Variants in AKT3 observed in about 807,000 individuals in gnomAD.
AKT3 encodes RAC-gamma serine/threonine-protein kinase.
AKT3 carries 15 observed loss-of-function variants against 65.3 expected under a neutral mutation model. The ratio of observed to expected loss-of-function variants is 0.23; its 90% CI spans 0.15 to 0.35. AKT3 has a LOEUF of 0.35. AKT3 is among the 10% of genes least tolerant of loss of function. The pLI is 1.00. For synonymous variants in AKT3, 206 were observed against 183.8 expected (o/e 1.12, Z -0.98); for missense variants, 243 against 576.5 (o/e 0.42, Z 5.92).
At chr1:243,574,400 A>G (rs563373546) in intron 8 of AKT3, among the ~76,000 whole-genome samples, 49 of 152,248 alleles carry the variant, frequency 3.2e-4, no homozygotes, top group African/African-American at 7.5e-4. Flanking sequence ...AATATTTTGC[A>G]GTCTCTAAAC....
chr1:243,704,524 C>T (rs1340456130), intron 2 of AKT3, among the ~76,000 whole-genome samples: 1 of 152,106 alleles, frequency 6.6e-6, no homozygotes, highest in Non-Finnish European at 1.5e-5. Flanking sequence ...GCAATAGCCC[C>T]TATTCTTTGG....
chr1:243,810,032 A>C (rs772293581), intron 2 of AKT3, among the ~76,000 whole-genome samples: 4 of 152,208 alleles, frequency 2.6e-5, no homozygotes, highest in Admixed American at 1.3e-4. Flanking sequence ...CATTCAAAGC[A>C]GCGTGTAGAG....
At position 243,642,599 on chromosome 1, in the gene AKT3, A is replaced by C. The variant is rs10927049; in HGVS notation, c.429+3294T>G. ...GCTGGGATTACAGGCGTGAGCCACCACGCCCAGCCACAGTAAGTCTTTAAT... is the reference window on the plus strand; with the variant it reads ...GCTGGGATTACAGGCGTGAGCCACCCCGCCCAGCCACAGTAAGTCTTTAAT... On this transcript the variant is annotated intron_variant, in intron 5 of 13. Coordinates refer to ENST00000673466, the MANE Select transcript of AKT3 (RefSeq NM_005465.7). Among the ~76,000 whole-genome samples, 22 of 152,038 alleles carry C rather than the reference A, an allele frequency of 1.4e-4. No homozygotes were observed. The Middle Eastern group carries it at 0.01, about 71-fold the overall frequency.
rs1695356135 is a variant in AKT3, at chr1:243,843,241, TCTG to T, written c.-74_-72del. The T allele has an allele frequency of 2.4e-5, 38 of 1,562,364 alleles. No homozygotes were observed. The highest frequency in any genetic ancestry group is 6.0e-5 in the South Asian group (5 of 83,266). ...GATATCAGCTTTAGGGTTTGGATTC[TCTG>T]CTGCTGCTGCCCTTCCCACTCTCTA... On this transcript the variant is annotated 5_prime_UTR_variant, in exon 2 of 14. Transcript: ENST00000673466.
chr1:243,574,968 T>A (rs1674834748), intron 8 of AKT3, among the ~76,000 whole-genome samples: 1 of 152,188 alleles, frequency 6.6e-6, no homozygotes, highest in Non-Finnish European at 1.5e-5. Flanking sequence ...TTAGACTATG[T>A]ATCTTCAATG....
chr1:243,701,839 A>G (rs1685483266), intron 2 of AKT3, among the ~76,000 whole-genome samples: 1 of 152,280 alleles, frequency 6.6e-6, no homozygotes, highest in African/African-American at 2.4e-5. Flanking sequence ...CCTCACATGT[A>G]TGTCAGGAAT....
intron 8 of AKT3, among the ~76,000 whole-genome samples, chr1:243,585,080 A>G (rs1027259642): frequency 7.9e-5 from 12 of 152,306 alleles, no homozygotes; most frequent in Admixed American, 7.2e-4. Flanking sequence ...ATGTACAAAA[A>G]TCAGTAGCAT....
chr1:243,645,380 A>G (rs1680730314), intron 5 of AKT3, among the ~76,000 whole-genome samples: 1 of 152,168 alleles, frequency 6.6e-6, no homozygotes, highest in Admixed American at 6.5e-5. Context: ...TGGAACACTG[A>G]GAGAAGGAAA....
intron 4 of AKT3, among the ~76,000 whole-genome samples, chr1:243,662,798 A>T (rs1682469690): frequency 6.6e-6 from 1 of 152,194 alleles, no homozygotes; most frequent in Non-Finnish European, 1.5e-5. Context: ...ATAGAAATGC[A>T]CATACCAATG....
At chr1:243,596,263 A>G (rs778093296) in intron 8 of AKT3, among the ~76,000 whole-genome samples, 7 of 152,216 alleles carry the variant, frequency 4.6e-5, no homozygotes, top group Non-Finnish European at 8.8e-5. Context: ...CATCAAAATT[A>G]AAAACGTCTG....
chr1:243,661,041 C>T (rs1363542015), intron 4 of AKT3, among the ~76,000 whole-genome samples: 1 of 152,160 alleles, frequency 6.6e-6, no homozygotes, highest in Non-Finnish European at 1.5e-5. Flanking sequence ...CAAAACACTG[C>T]TCAAAGAAAT....
intron 6 of AKT3, among the ~76,000 whole-genome samples, chr1:243,625,489 T>A (rs149719742): frequency 1.1e-4 from 17 of 152,218 alleles, no homozygotes; most frequent in Non-Finnish European, 2.2e-4. Context: ...GTTAAGGAAA[T>A]CCTGATGCTC....
intron 4 of AKT3, among the ~76,000 whole-genome samples, chr1:243,655,976 A>AAAAAC (rs1362983784): frequency 4.6e-5 from 7 of 152,186 alleles, no homozygotes; most frequent in Non-Finnish European, 8.8e-5. Flanking sequence ...TTTAAAAAAC[A>AAAAAC]AAAACAAACA....
chr1:243,749,210 T>C (rs1688656560), intron 2 of AKT3, among the ~76,000 whole-genome samples: 1 of 152,174 alleles, frequency 6.6e-6, no homozygotes, highest in Non-Finnish European at 1.5e-5. Context: ...AGGTATATGA[T>C]ATAATCCATT....
intron 12 of AKT3, among the ~76,000 whole-genome samples, chr1:243,521,013 A>G (rs1670686828): frequency 6.6e-6 from 1 of 152,226 alleles, no homozygotes; most frequent in African/African-American, 2.4e-5. Flanking sequence ...ATGAACACCA[A>G]GGTCTCTGAA....
At chr1:243,599,185 A>C (rs1181443668) in intron 8 of AKT3, among the ~76,000 whole-genome samples, 2 of 152,208 alleles carry the variant, frequency 1.3e-5, no homozygotes, top group Non-Finnish European at 2.9e-5. Flanking sequence ...AAAAGCTAAC[A>C]AAAGTTACGG....
At chr1:243,807,195 G>A (rs1296812762) in intron 2 of AKT3, among the ~76,000 whole-genome samples, 1 of 152,182 alleles carries the variant, frequency 6.6e-6, no homozygotes, top group African/African-American at 2.4e-5. Context: ...TGCAGGACAG[G>A]GGGTGCAGTG....
At chr1:243,826,538 T>G (rs1022999915) in intron 2 of AKT3, among the ~76,000 whole-genome samples, 1 of 152,186 alleles carries the variant, frequency 6.6e-6, no homozygotes, top group African/African-American at 2.4e-5. Context: ...AGGGACAGTG[T>G]GGCTGACACC....
chr1:243,623,359 T>C (rs1019559470), intron 6 of AKT3, among the ~76,000 whole-genome samples: 3 of 152,188 alleles, frequency 2.0e-5, no homozygotes, highest in South Asian at 2.1e-4. Context: ...GATGCACTTA[T>C]GTGTCAACTT....
Sources: allele counts gnomAD v4.1 joint callset (sites outside exome capture counted in the v4.1 genomes callset), GRCh38; gene constraint gnomAD v4.1.1; transcripts MANE v1.5; gene names NCBI Gene and HGNC (gene_info 2026-07-23, HGNC 2026-07-21).